The following TRIM2 variants were observed in gnomAD, a reference collection of about 807,000 sequenced individuals.
The protein encoded by TRIM2 is tripartite motif-containing protein 2.
A neutral mutation model predicts 75.2 loss-of-function variants in TRIM2; 20 were observed. The observed-to-expected ratio is 0.27, with a 90% CI of 0.19 to 0.39. TRIM2 has a LOEUF of 0.39. Ranked by LOEUF, TRIM2 falls within the 10% of genes least tolerant of loss-of-function variation. The pLI, the probability that TRIM2 is intolerant of heterozygous loss-of-function variation, is 1.00. For missense variants in TRIM2, 660 were observed against 990.8 expected, an observed-to-expected ratio of 0.67 and a Z score of 4.48; for synonymous variants, 373 against 388.3, an observed-to-expected ratio of 0.96 and a Z score of 0.46.
chr4:153,192,703 C>A (rs1445801426), intron 1 of TRIM2, among the ~76,000 whole-genome samples: 1 of 151,918 alleles, frequency 6.6e-6, no homozygotes, highest in Non-Finnish European at 1.5e-5. Context: ...TCACAGTCAG[C>A]AGATCCAAAA....
intron 1 of TRIM2, among the ~76,000 whole-genome samples, chr4:153,261,071 CAGA>C (rs2149985552): frequency 6.6e-6 from 1 of 152,066 alleles, no homozygotes; most frequent in South Asian, 2.1e-4. Flanking sequence ...ATAAATGTAC[CAGA>C]AGATTTGTAA....
At chr4:153,320,970 C>G (rs905164319) in intron 8 of TRIM2, among the ~76,000 whole-genome samples, 2 of 152,156 alleles carry the variant, frequency 1.3e-5, no homozygotes, top group African/African-American at 4.8e-5. Flanking sequence ...CTGCTTCCCT[C>G]CAACACGTCA....
intron 1 of TRIM2, among the ~76,000 whole-genome samples, chr4:153,234,824 C>T (rs906420925): frequency 2.0e-5 from 3 of 152,214 alleles, no homozygotes; most frequent in African/African-American, 7.2e-5. Flanking sequence ...AACTATAACT[C>T]AGCAGCTATT....
intron 1 of TRIM2, among the ~76,000 whole-genome samples, chr4:153,198,947 T>G (rs976432123): frequency 1.3e-5 from 2 of 152,226 alleles, no homozygotes; most frequent in African/African-American, 2.4e-5. Flanking sequence ...TCAAAGGGCA[T>G]GTAGCAATTT....
At chr4:153,172,910 A>C (rs1731029901) in intron 1 of TRIM2, among the ~76,000 whole-genome samples, 2 of 152,212 alleles carry the variant, frequency 1.3e-5, no homozygotes, top group African/African-American at 4.8e-5. Flanking sequence ...AGCACACTGC[A>C]TGAATGTGGG....
rs748419169 is a variant in TRIM2 at position 153,295,481 on chromosome 4, C to T, written c.955C>T (p.His319Tyr). The T allele has an allele frequency of 5.6e-6, 9 of 1,614,182 alleles. No homozygotes were observed. In the Admixed American group the frequency reaches 1.5e-4, roughly 27 times the overall value. ...NELADQDFPL[H>Y]PRENDQLDFI... is the part of the protein sequence containing the mutation. ...GCTGGCCGACCAGGACTTCCCCTTGCACCCGCGGGAGAACGACCAGCTGGA... is the reference window on the plus strand; with the variant it reads ...GCTGGCCGACCAGGACTTCCCCTTGTACCCGCGGGAGAACGACCAGCTGGA... The change falls in exon 6 of 12, where the codon CAC (histidine) becomes TAC (tyrosine). Residue 319 changes from histidine to tyrosine, a missense_variant. Around this residue, in one of 2 missense-constraint regions of TRIM2, gnomAD observed 620 missense variants for 891.0 expected, o/e 0.70. Transcript: ENST00000338700. This position sits in a 1 kb window ranked among gnomAD's most constrained non-coding sequence, Gnocchi z 7.2.
rs2149619135 is a variant in TRIM2 at position 153,338,910 on chromosome 4, C to T, written c.*3944C>T. 1.0e-6 allele frequency: 1 copy of T among 982,898 alleles called. No individual in the cohort carries two copies. The highest frequency in any genetic ancestry group is 1.1e-4 in the East Asian group (1 of 8,798). The allele number at this position is 982,898 out of a possible 1,614,324, so 60.9% of individuals were successfully genotyped here. On this transcript the variant is annotated 3_prime_UTR_variant, in exon 12 of 12. Coordinates refer to ENST00000338700, the MANE Select transcript of TRIM2 (RefSeq NM_015271.5). Reference sequence around the variant, plus strand: ...TTGTAATAGAATTCTTTATATCGTTCTCAATTCTATAGACTTTCAAGCCTA... The same window carrying T: ...TTGTAATAGAATTCTTTATATCGTTTTCAATTCTATAGACTTTCAAGCCTA...
rs776936753 is a variant in TRIM2 at position 153,337,534 on chromosome 4, A to G, written c.*2568A>G. ...TTTTCCAAAAAATATGTGATTATATATGTTAAAGTATAGATAACATTTCAC... is the reference window on the plus strand; with the variant it reads ...TTTTCCAAAAAATATGTGATTATATGTGTTAAAGTATAGATAACATTTCAC... On this transcript the variant is annotated 3_prime_UTR_variant, in exon 12 of 12. Coordinates refer to ENST00000338700, the MANE Select transcript of TRIM2 (RefSeq NM_015271.5). 2.0e-5 allele frequency: 20 copies of G among 985,766 alleles called. No homozygotes were observed. The highest frequency in any genetic ancestry group is 2.4e-5 in the Non-Finnish European group (20 of 829,850). 61.1% of individuals were successfully genotyped at this position (985,766 alleles called of 1,614,324 possible).
chr4:153,281,193 T>C (rs185604901), intron 3 of TRIM2, among the ~76,000 whole-genome samples: 99 of 152,342 alleles, frequency 6.5e-4, no homozygotes, highest in African/African-American at 2.1e-3. Flanking sequence ...CTTGAGAGTA[T>C]GTATGGTGAG....
chr4:153,302,429 G>C (rs189175650), intron 6 of TRIM2, among the ~76,000 whole-genome samples: 100 of 152,322 alleles, frequency 6.6e-4, no homozygotes, highest in African/African-American at 2.1e-3. Flanking sequence ...AGTTTGGGAT[G>C]ATAGATGTAT....
chr4:153,158,297 T>C (rs1729425832), intron 1 of TRIM2, among the ~76,000 whole-genome samples: 3 of 152,222 alleles, frequency 2.0e-5, no homozygotes, highest in South Asian at 4.1e-4. Context: ...ATAATTCTTA[T>C]TATATGAAAT....
intron 1 of TRIM2, among the ~76,000 whole-genome samples, chr4:153,216,030 T>C (rs1738388001): frequency 6.6e-6 from 1 of 152,202 alleles, no homozygotes; most frequent in South Asian, 2.1e-4. Flanking sequence ...ATATTAAAAA[T>C]AAGCAGATTT....
chr4:153,292,385 T>C (rs1042612078), intron 3 of TRIM2, among the ~76,000 whole-genome samples: 1 of 152,226 alleles, frequency 6.6e-6, no homozygotes, highest in East Asian at 1.9e-4. Flanking sequence ...AATGGGCTTA[T>C]TACTGCTTTT....
intron 1 of TRIM2, among the ~76,000 whole-genome samples, chr4:153,258,603 A>C (rs1752657723): frequency 6.6e-6 from 1 of 152,244 alleles, no homozygotes; most frequent in Non-Finnish European, 1.5e-5. Flanking sequence ...TTCTGAACCA[A>C]AAGATAAAAT....
intron 1 of TRIM2, among the ~76,000 whole-genome samples, chr4:153,221,379 G>A (rs912420078): frequency 6.6e-6 from 1 of 152,178 alleles, no homozygotes; most frequent in Admixed American, 6.5e-5. Flanking sequence ...AGTGAGCCAT[G>A]TTTGTGACAC....
intron 11 of TRIM2, among the ~76,000 whole-genome samples, chr4:153,329,682 A>G (rs954575293): frequency 4.6e-5 from 7 of 151,812 alleles, no homozygotes; most frequent in African/African-American, 1.7e-4. Context: ...CTAAAAATAC[A>G]AAAAATTTGC....
intron 1 of TRIM2, among the ~76,000 whole-genome samples, chr4:153,186,461 T>C (rs9993265): frequency 0.076 from 11,505 of 152,174 alleles, 569 homozygotes; most frequent in African/African-American, 0.13. Context: ...CTCAGGTAAA[T>C]ACTTAAAACT....
chr4:153,309,356 G>C (rs1765737646), intron 6 of TRIM2, among the ~76,000 whole-genome samples: 2 of 152,254 alleles, frequency 1.3e-5, no homozygotes, highest in South Asian at 4.2e-4. Context: ...CTATAAAATG[G>C]GGATGATAAT....
intron 1 of TRIM2, among the ~76,000 whole-genome samples, chr4:153,242,671 G>A (rs754099372): frequency 3.3e-5 from 5 of 152,200 alleles, no homozygotes; most frequent in Non-Finnish European, 5.9e-5. Flanking sequence ...AGGCTCGACA[G>A]AACTACTGAA....
Sources: allele counts gnomAD v4.1 joint callset (sites outside exome capture counted in the v4.1 genomes callset), GRCh38; gene constraint gnomAD v4.1.1; regional missense constraint gnomAD v4.1.1; non-coding constraint Gnocchi (gnomAD v3.1); transcripts MANE v1.5; gene names NCBI Gene and HGNC (gene_info 2026-07-23, HGNC 2026-07-21).